The following TSGA10 variants were observed in gnomAD, a reference collection of about 807,000 sequenced individuals.
TSGA10 encodes the protein testis-specific gene 10 protein.
Under a neutral mutation model 96.6 loss-of-function variants are expected in TSGA10, and 43 were observed. That is an observed-to-expected ratio of 0.44 (90% CI 0.35 to 0.57). The LOEUF is 0.57. TSGA10 is among the 20% of genes least tolerant of loss of function. The pLI is 0.01. For missense variants in TSGA10, 703 were observed against 834.4 expected (o/e 0.84, Z 1.94); for synonymous variants, 229 against 269.9 (o/e 0.85, Z 1.48).
intron 2 of TSGA10, among the ~76,000 whole-genome samples, chr2:99,122,499 A>C (rs6741773): frequency 0.57 from 86,434 of 150,384 alleles, 26,101 homozygotes; most frequent in East Asian, 0.88. Flanking sequence ...AAAAATTTGA[A>C]TCGGAGTAGT....
chr2:99,003,373 C>T (rs554073537), intron 20 of TSGA10, among the ~76,000 whole-genome samples: 23 of 152,268 alleles, frequency 1.5e-4, no homozygotes, highest in Admixed American at 1.0e-3. Flanking sequence ...ACCCCACTGT[C>T]AACATTAGAC....
intron 10 of TSGA10, among the ~76,000 whole-genome samples, chr2:99,088,197 T>C (rs1214850078): frequency 6.6e-6 from 1 of 152,190 alleles, no homozygotes; most frequent in Non-Finnish European, 1.5e-5. Context: ...GGTGTAGTAG[T>C]CCCCTCTTAT....
intron 10 of TSGA10, among the ~76,000 whole-genome samples, chr2:99,096,757 CAT>C: frequency 6.6e-6 from 1 of 152,312 alleles, no homozygotes; most frequent in South Asian, 2.1e-4. Context: ...AACTGATTAA[CAT>C]GTCACTGATC....
At chr2:99,081,187 C>A in intron 11 of TSGA10, 95 bp downstream of exon 11, 1 of 586,094 alleles carries the variant, frequency 1.7e-6, no homozygotes, top group Non-Finnish European at 2.8e-6. Context: ...GGGCTTGTTT[C>A]CAAGTTTTTC....
intron 2 of TSGA10, among the ~76,000 whole-genome samples, chr2:99,120,667 C>A (rs1314985990): frequency 1.3e-5 from 2 of 152,132 alleles, no homozygotes; most frequent in Non-Finnish European, 2.9e-5. Flanking sequence ...GCCCTTTACT[C>A]AGTTTCCGCT....
chr2:99,127,120 GT>G lies in TSGA10; in HGVS notation c.-565del, dbSNP rs2092870041. The G allele has an allele frequency of 7.8e-7, 1 of 1,289,334 alleles. No homozygotes were observed. The highest frequency in any genetic ancestry group is 1.2e-5 in the South Asian group (1 of 80,934). 79.9% of individuals were successfully genotyped at this position (1,289,334 alleles called of 1,614,324 possible). A position where few individuals can be genotyped will look rare whatever the true frequency, so the allele number is the denominator to read the frequency against. On this transcript the variant is annotated 5_prime_UTR_variant, in exon 2 of 21. Coordinates refer to ENST00000393483, the MANE Select transcript of TSGA10 (RefSeq NM_025244.4). ...GTTCTAGCTGGAGAGTATTCTGGTA[GT>G]TTTCAGCTTCAGAAACTGGAGCCCC...
At chr2:99,080,827 A>C (rs550883706) in intron 11 of TSGA10, among the ~76,000 whole-genome samples, 4 of 152,184 alleles carry the variant, frequency 2.6e-5, no homozygotes, top group South Asian at 2.1e-4. Flanking sequence ...AAACTTTAAA[A>C]AAGTAACTTT....
At position 99,150,888 on chromosome 2, in the gene TSGA10, G is replaced by A. The variant is rs886207080; in HGVS notation, c.-621+3805C>T. 5.9e-6 allele frequency: 7 copies of A among 1,187,884 alleles called. No individual in the cohort carries two copies. The South Asian group carries it at 7.4e-5, about 13-fold the overall frequency. The allele number at this position is 1,187,884 out of a possible 1,614,324, so 73.6% of individuals were successfully genotyped here. ...CAAAAACTGCCTTTGACTAAGGGGGGTGTTGAAAGAGAACTTAACCTTATT... is the reference window on the plus strand; with the variant it reads ...CAAAAACTGCCTTTGACTAAGGGGGATGTTGAAAGAGAACTTAACCTTATT... On this transcript the variant is annotated intron_variant, in intron 1 of 20. Coordinates refer to ENST00000393483, the MANE Select transcript of TSGA10 (RefSeq NM_025244.4).
intron 4 of TSGA10, among the ~76,000 whole-genome samples, chr2:99,112,096 C>T (rs774151234): frequency 1.4e-4 from 22 of 152,016 alleles, no homozygotes; most frequent in Non-Finnish European, 2.9e-4. Context: ...GTTGATTCCA[C>T]TCTGAAAAAC....
Position 99,018,123 on chromosome 2 carries a change from TC to T in TSGA10, c.2072+76del, listed in dbSNP as rs1236587892. 2.7e-6 allele frequency: 4 copies of T among 1,476,488 alleles called. No homozygotes were observed. The Admixed American group carries it at 7.9e-5, about 29-fold the overall frequency. The allele number at this position is 1,476,488 out of a possible 1,614,324, so 91.5% of individuals were successfully genotyped here. Reference sequence around the variant, plus strand: ...ACTATTAAAGATAGACTATTGAGTTTCCTTATTACCCCAAATGTTCACTATA... The same window carrying T: ...ACTATTAAAGATAGACTATTGAGTTTCTTATTACCCCAAATGTTCACTATA... On this transcript the variant is annotated intron_variant, in intron 20 of 20. Coordinates refer to ENST00000393483, the MANE Select transcript of TSGA10 (RefSeq NM_025244.4).
At chr2:99,020,182 T>C (rs1259083801) in intron 18 of TSGA10, 98 bp downstream of exon 18, 1 of 999,356 alleles carries the variant, frequency 1.0e-6, no homozygotes, top group East Asian at 2.6e-5. Flanking sequence ...TTAGGCAAAG[T>C]ATAGAAGGCA....
At chr2:99,004,894 T>C (rs2078319539) in intron 20 of TSGA10, among the ~76,000 whole-genome samples, 1 of 152,158 alleles carries the variant, frequency 6.6e-6, no homozygotes, top group Admixed American at 6.5e-5. Flanking sequence ...AACTCCTCAA[T>C]AAAATACTCA....
intron 7 of TSGA10, among the ~76,000 whole-genome samples, chr2:99,105,996 T>C (rs2091300658): frequency 1.3e-5 from 2 of 152,224 alleles, no homozygotes; most frequent in Non-Finnish European, 2.9e-5. Context: ...TTATTCATTT[T>C]GTAGTGTAAA....
chr2:99,118,677 A>T lies in TSGA10; in HGVS notation c.-482T>A. ...AAAGGGCCTTTTCTATCACAAAGGT[A>T]TCCAAATGCCTTTAAAGGAAAAAAA... On this transcript the variant is annotated 5_prime_UTR_variant, in exon 3 of 21. Coordinates refer to ENST00000393483, the MANE Select transcript of TSGA10 (RefSeq NM_025244.4). 2.0e-6 allele frequency: 2 copies of T among 984,914 alleles called. No homozygotes were observed. Among genetic ancestry groups the T allele is most frequent in the Non-Finnish European group, 2.4e-6 (2 of 829,720 alleles). The allele number at this position is 984,914 out of a possible 1,614,324, so 61.0% of individuals were successfully genotyped here.
chr2:99,050,643 A>C (rs1402352845), intron 16 of TSGA10, among the ~76,000 whole-genome samples: 6 of 152,198 alleles, frequency 3.9e-5, no homozygotes, highest in Non-Finnish European at 8.8e-5. Flanking sequence ...TGTAGCAAAC[A>C]CCAATAATTC....
intron 10 of TSGA10, among the ~76,000 whole-genome samples, chr2:99,101,447 C>A (rs1232601297): frequency 6.6e-6 from 1 of 151,924 alleles, no homozygotes; most frequent in East Asian, 1.9e-4. Context: ...GGATTACAGG[C>A]ATGAGCCACT....
At chr2:99,044,367 A>C (rs1301358302) in intron 16 of TSGA10, among the ~76,000 whole-genome samples, 1 of 151,778 alleles carries the variant, frequency 6.6e-6, no homozygotes, top group Admixed American at 6.6e-5. Flanking sequence ...AAAAAAAAAA[A>C]ATCAGGAGTT....
intron 20 of TSGA10, among the ~76,000 whole-genome samples, chr2:99,004,984 CAACATATGCA>C: frequency 6.6e-6 from 1 of 152,190 alleles, no homozygotes; most frequent in African/African-American, 2.4e-5. Context: ...AAGGCTGGTT[CAACATATGCA>C]AATCAATAAA....
At chr2:99,041,880 C>G (rs1254589897) in intron 16 of TSGA10, among the ~76,000 whole-genome samples, 1 of 151,126 alleles carries the variant, frequency 6.6e-6, no homozygotes, top group African/African-American at 2.4e-5. Flanking sequence ...TCAGAGTAAA[C>G]AGACAGCCCC....
Sources: gnomAD v4.1 joint callset for allele counts (sites outside exome capture counted in the v4.1 genomes callset) on GRCh38, gnomAD v4.1.1 for gene constraint, MANE v1.5 for transcripts, NCBI Gene and HGNC (gene_info 2026-07-23, HGNC 2026-07-21) for gene names.